The following RTN4RL1 variants were observed in gnomAD, a reference collection of about 807,000 sequenced individuals.
The protein encoded by RTN4RL1 is reticulon-4 receptor-like 1.
A neutral mutation model predicts 25.6 loss-of-function variants in RTN4RL1; 7 were observed. The ratio of observed to expected loss-of-function variants is 0.27; its 90% CI spans 0.16 to 0.51. RTN4RL1 has a LOEUF of 0.51. Among genes scored for constraint, RTN4RL1 ranks in the 20% least tolerant of loss-of-function variants. RTN4RL1 has a pLI of 0.97. For missense variants in RTN4RL1, 500 were observed against 615.6 expected (o/e 0.81, Z 1.99); for synonymous variants, 297 against 288.2 (o/e 1.03, Z -0.31).
At chr17:1,963,694 C>A (rs2066776002) in intron 1 of RTN4RL1, among the ~76,000 whole-genome samples, 1 of 152,210 alleles carries the variant, frequency 6.6e-6, no homozygotes, top group Non-Finnish European at 1.5e-5. Context: ...TCCCAACTCT[C>A]AAGCTTCCGG....
Position 1,937,987 on chromosome 17 carries a change from G to T in RTN4RL1, c.14-179C>A, listed in dbSNP as rs1006849933. 4.3e-4 allele frequency among the ~76,000 whole-genome samples: 65 copies of T among 152,332 alleles called. 1 individual carries two copies. The highest frequency in any genetic ancestry group is 1.6e-3 in the African/African-American group (65 of 41,588). On this transcript the variant is annotated intron_variant, in intron 1 of 1. Transcript: ENST00000331238. ...GCCTGGAACCCGTCGGGGATGAGAG[G>T]CCTCCCCTCCTTGGTGACCCACTTC...
intron 1 of RTN4RL1, among the ~76,000 whole-genome samples, chr17:1,960,215 C>G (rs1915868638): frequency 1.4e-5 from 2 of 145,086 alleles, no homozygotes; most frequent in Admixed American, 1.4e-4. Context: ...CTGGGCCACT[C>G]TCTTCTGTTC....
At chr17:2,024,563 C>T (rs2067248927) in intron 1 of RTN4RL1, among the ~76,000 whole-genome samples, 1 of 152,142 alleles carries the variant, frequency 6.6e-6, no homozygotes, top group Non-Finnish European at 1.5e-5. Flanking sequence ...TCCCAGGAGG[C>T]CGGCTCCCCT....
intron 1 of RTN4RL1, among the ~76,000 whole-genome samples, chr17:1,941,233 C>G (rs771980352): frequency 6.6e-6 from 1 of 152,182 alleles, no homozygotes; most frequent in Non-Finnish European, 1.5e-5. Context: ...CCGTCAGACA[C>G]AAAGCAGGTG....
intron 1 of RTN4RL1, among the ~76,000 whole-genome samples, chr17:1,947,982 T>C (rs147618640): frequency 0.02 from 3,037 of 152,240 alleles, 39 homozygotes; most frequent in Middle Eastern, 0.027. Flanking sequence ...ATGATTACGT[T>C]ACTGCTAGTG....
At chr17:1,996,425 G>GGCT (rs1209022160) in intron 1 of RTN4RL1, among the ~76,000 whole-genome samples, 12 of 135,418 alleles carry the variant, frequency 8.9e-5, no homozygotes, top group Non-Finnish European at 1.4e-4. Context: ...GCAGAGGGCT[G>GGCT]GCTGCTGCCC....
intron 1 of RTN4RL1, among the ~76,000 whole-genome samples, chr17:2,012,154 C>A (rs1213742315): frequency 2.6e-5 from 4 of 152,368 alleles, no homozygotes; most frequent in African/African-American, 9.6e-5. Context: ...CAGAGAGTGT[C>A]CATGAGAGGT....
At chr17:2,007,549 T>C (rs937254429) in intron 1 of RTN4RL1, among the ~76,000 whole-genome samples, 1 of 152,138 alleles carries the variant, frequency 6.6e-6, no homozygotes, top group Non-Finnish European at 1.5e-5. Context: ...ACAAAGTGGG[T>C]AGGCCAGGCT....
chr17:1,954,869 T>C (rs1434335924), intron 1 of RTN4RL1, among the ~76,000 whole-genome samples: 3 of 152,172 alleles, frequency 2.0e-5, no homozygotes, highest in African/African-American at 7.2e-5. Flanking sequence ...AATGGAGATA[T>C]ATAATAAGTT....
chr17:2,002,348 A>G (rs1019406077), intron 1 of RTN4RL1, among the ~76,000 whole-genome samples: 1 of 147,242 alleles, frequency 6.8e-6, no homozygotes, highest in East Asian at 2.0e-4. Flanking sequence ...GCTGGAGTGC[A>G]GTGGCGCGAT....
chr17:1,967,719 A>C (rs1358491616), intron 1 of RTN4RL1, among the ~76,000 whole-genome samples: 2 of 151,732 alleles, frequency 1.3e-5, no homozygotes, highest in Non-Finnish European at 2.9e-5. Context: ...AGCTCACTGC[A>C]ACCTCCTCCT....
At position 1,964,088 on chromosome 17, in the gene RTN4RL1, C is replaced by T. The variant is rs191586269; in HGVS notation, c.14-26280G>A. On this transcript the variant is annotated intron_variant, in intron 1 of 1. Transcript: ENST00000331238. ...GCAGGTGGGAGTCACTTGAGAAAAGCGTTCTGGGGTCTCAAGCCTCCGGAA... is the reference window on the plus strand; with the variant it reads ...GCAGGTGGGAGTCACTTGAGAAAAGTGTTCTGGGGTCTCAAGCCTCCGGAA... Among the ~76,000 whole-genome samples the T allele has an allele frequency of 1.3e-3, 202 of 152,236 alleles. 1 individual carries two copies. The highest frequency in any genetic ancestry group is 4.6e-3 in the African/African-American group (191 of 41,542).
intron 1 of RTN4RL1, among the ~76,000 whole-genome samples, chr17:1,967,478 G>A (rs1215794150): frequency 6.6e-6 from 1 of 151,838 alleles, no homozygotes; most frequent in Non-Finnish European, 1.5e-5. Flanking sequence ...AAATCTCCCT[G>A]CAGCCACTGC....
rs555105606 is a variant in RTN4RL1, at chr17:1,964,110, G to A, written c.14-26302C>T. 2.0e-5 allele frequency among the ~76,000 whole-genome samples: 3 copies of A among 152,282 alleles called. No individual in the cohort carries two copies. The East Asian group carries it at 5.8e-4, about 29-fold the overall frequency. On this transcript the variant is annotated intron_variant, in intron 1 of 1. Coordinates refer to ENST00000331238, the MANE Select transcript of RTN4RL1 (RefSeq NM_178568.4). ...AAGCGTTCTGGGGTCTCAAGCCTCC[G>A]GAACAGTCTGGGGCTGCGCTGTCCA... is the stretch of plus-strand genomic sequence containing the variant.
intron 1 of RTN4RL1, among the ~76,000 whole-genome samples, chr17:2,014,395 C>T (rs2067092339): frequency 6.6e-6 from 1 of 152,150 alleles, no homozygotes; most frequent in Non-Finnish European, 1.5e-5. Flanking sequence ...TCTCAGGACC[C>T]CCCACTCTCC....
intron 1 of RTN4RL1, among the ~76,000 whole-genome samples, chr17:1,989,954 C>G (rs1325331402): frequency 2.0e-5 from 3 of 151,252 alleles, no homozygotes; most frequent in Non-Finnish European, 4.4e-5. Flanking sequence ...GACCCTGTCT[C>G]TACAAAAAAA....
chr17:1,979,882 T>A lies in RTN4RL1; in HGVS notation c.14-42074A>T, dbSNP rs1007384582. ...AGCGTGAAAGTGCTCAGACCCGGAA[T>A]TGCGTGGAGAAGGAAATCTCTGTTC... On this transcript the variant is annotated intron_variant, in intron 1 of 1. Transcript: ENST00000331238. 3.9e-5 allele frequency among the ~76,000 whole-genome samples: 6 copies of A among 152,122 alleles called. No individual in the cohort carries two copies. In the South Asian group the frequency reaches 1.2e-3, roughly 32 times the overall value.
At chr17:1,970,564 G>A (rs2066814368) in intron 1 of RTN4RL1, among the ~76,000 whole-genome samples, 1 of 152,170 alleles carries the variant, frequency 6.6e-6, no homozygotes, top group South Asian at 2.1e-4. Flanking sequence ...GGAGGGATGG[G>A]GGCCATCTTT....
At chr17:1,960,800 T>C (rs1215400651) in intron 1 of RTN4RL1, among the ~76,000 whole-genome samples, 3 of 152,138 alleles carry the variant, frequency 2.0e-5, no homozygotes, top group Non-Finnish European at 4.4e-5. Flanking sequence ...AAATGGATCA[T>C]AGCACGTTGG....
Sources: gnomAD v4.1 joint callset for allele counts (sites outside exome capture counted in the v4.1 genomes callset) on GRCh38, gnomAD v4.1.1 for gene constraint, MANE v1.5 for transcripts, NCBI Gene and HGNC (gene_info 2026-07-23, HGNC 2026-07-21) for gene names.